MYO1E: variants seen among roughly 807,000 people sequenced by gnomAD.
MYO1E encodes the protein myosin IE.
Under a neutral mutation model 151.1 loss-of-function variants are expected in MYO1E, and 68 were observed. The observed-to-expected ratio is 0.45, with a 90% CI of 0.37 to 0.55. The LOEUF is 0.55. Among genes scored for constraint, MYO1E ranks in the 20% least tolerant of loss-of-function variants. The probability of loss-of-function intolerance (pLI) is 0.00; values close to 1 mark genes in which losing one functional copy is unlikely to be tolerated. For missense variants in MYO1E, 1,363 were observed against 1,389.3 expected (o/e 0.98, Z 0.30); for synonymous variants, 601 against 501.7 (o/e 1.20, Z -2.64).
chr15:59,346,394 G>A (rs1452948232), intron 1 of MYO1E, among the ~76,000 whole-genome samples: 1 of 152,140 alleles, frequency 6.6e-6, no homozygotes, highest in East Asian at 1.9e-4. Context: ...CACTTGAGGA[G>A]AACCTGTTTT....
chr15:59,225,805 G>C (rs914758497), intron 7 of MYO1E, among the ~76,000 whole-genome samples: 3 of 151,674 alleles, frequency 2.0e-5, no homozygotes, highest in Non-Finnish European at 2.9e-5. Flanking sequence ...CACCACCACG[G>C]CCAGCTAATT....
At chr15:59,320,455 T>C (rs67017396) in intron 1 of MYO1E, among the ~76,000 whole-genome samples, 22,623 of 152,070 alleles carry the variant, frequency 0.15, 1,970 homozygotes, top group East Asian at 0.25. Flanking sequence ...AACAGCATGG[T>C]ACTAGTACAA....
rs1230485910 is a variant in MYO1E at position 59,132,878 on chromosome 15, G to A, written c.*4502C>T. 1.3e-5 allele frequency: 2 copies of A among 152,212 alleles called. No individual in the cohort carries two copies. The highest frequency in any genetic ancestry group is 2.9e-5 in the Non-Finnish European group (2 of 68,042). 9.4% of individuals were successfully genotyped at this position (152,212 alleles called of 1,614,324 possible). ...AAGGTTAATGGTCTTGGAAAGAGAT[G>A]AATCAGAGGATTCAGATTTGTTAGA... On this transcript the variant is annotated 3_prime_UTR_variant, in exon 28 of 28. Transcript: ENST00000288235.
chr15:59,143,977 C>G (rs1339251591), intron 26 of MYO1E, among the ~76,000 whole-genome samples: 1 of 152,142 alleles, frequency 6.6e-6, no homozygotes, highest in Non-Finnish European at 1.5e-5. Context: ...ATGACAGTGA[C>G]TTGTGTGGCT....
intron 1 of MYO1E, among the ~76,000 whole-genome samples, chr15:59,326,465 G>A (rs1350132157): frequency 6.6e-6 from 1 of 152,210 alleles, no homozygotes; most frequent in East Asian, 1.9e-4. Context: ...GGAGGCTGCA[G>A]TGAGCCGAGA....
chr15:59,304,489 A>AT (rs771716891), intron 1 of MYO1E, among the ~76,000 whole-genome samples: 28 of 152,200 alleles, frequency 1.8e-4, no homozygotes, highest in Non-Finnish European at 4.0e-4. Context: ...GCCCAGTGAA[A>AT]TTTTTATAGG....
chr15:59,365,106 G>C (rs1381756627), intron 1 of MYO1E, among the ~76,000 whole-genome samples: 4 of 146,010 alleles, frequency 2.7e-5, no homozygotes, highest in Admixed American at 2.7e-4. Flanking sequence ...TGCAACCTCG[G>C]CCTCCCAGGT....
chr15:59,298,000 A>C (rs2080460858), intron 1 of MYO1E, among the ~76,000 whole-genome samples: 1 of 152,216 alleles, frequency 6.6e-6, no homozygotes, highest in African/African-American at 2.4e-5. Context: ...CTAGAATTCT[A>C]GGCAAATAAT....
At chr15:59,316,702 C>T (rs1290514295) in intron 1 of MYO1E, among the ~76,000 whole-genome samples, 2 of 152,176 alleles carry the variant, frequency 1.3e-5, no homozygotes, top group Admixed American at 6.5e-5. Flanking sequence ...GATTAGACAT[C>T]AATCCTCTTG....
intron 1 of MYO1E, among the ~76,000 whole-genome samples, chr15:59,371,615 G>C (rs1056163287): frequency 1.3e-5 from 2 of 151,996 alleles, no homozygotes; most frequent in African/African-American, 4.8e-5. Context: ...TCAAAGAGGC[G>C]GCCCCTTCCA....
chr15:59,220,850 G>A (rs1246018963), intron 9 of MYO1E, among the ~76,000 whole-genome samples: 6 of 112,562 alleles, frequency 5.3e-5, no homozygotes, highest in Non-Finnish European at 1.4e-4. Flanking sequence ...AGCACTTCCG[G>A]AGGCCAAGGC....
At chr15:59,226,583 G>A (rs550402404) in intron 7 of MYO1E, among the ~76,000 whole-genome samples, 14 of 152,148 alleles carry the variant, frequency 9.2e-5, no homozygotes, top group Non-Finnish European at 1.5e-4. Flanking sequence ...GAGGTGGGTG[G>A]GTCACTTGAG....
intron 1 of MYO1E, among the ~76,000 whole-genome samples, chr15:59,275,115 C>T (rs911757335): frequency 8.5e-5 from 13 of 152,144 alleles, no homozygotes; most frequent in African/African-American, 3.1e-4. Context: ...AAGATGTGAA[C>T]CGAAGATTCG....
rs531999794 is a variant in MYO1E, at chr15:59,241,925, A to G, written c.333-5253T>C. 1.3e-4 allele frequency among the ~76,000 whole-genome samples: 19 copies of G among 151,708 alleles called. No individual in the cohort carries two copies. In the South Asian group the frequency reaches 3.5e-3, roughly 28 times the overall value. Reference sequence around the variant, plus strand: ...CAAAGTGAGATCCTGTCTCTAAAAAATAAAATAAAATAAAATAAAATAAAC... The same window carrying G: ...CAAAGTGAGATCCTGTCTCTAAAAAGTAAAATAAAATAAAATAAAATAAAC... On this transcript the variant is annotated intron_variant, in intron 4 of 27. Transcript: ENST00000288235.
intron 1 of MYO1E, among the ~76,000 whole-genome samples, chr15:59,308,520 A>T (rs1317908095): frequency 2.0e-5 from 3 of 151,884 alleles, no homozygotes; most frequent in Non-Finnish European, 4.4e-5. Context: ...AAAAATACAA[A>T]AATTAGCCAG....
intron 1 of MYO1E, chr15:59,348,566 G>C (rs1477357740): frequency 6.6e-6 from 1 of 152,006 alleles, no homozygotes; most frequent in Non-Finnish European, 1.5e-5. Flanking sequence ...CACTACGGGT[G>C]AATTTTAGCT....
At chr15:59,308,240 AAAAAAAAAAAAT>A (rs2080527465) in intron 1 of MYO1E, among the ~76,000 whole-genome samples, 1 of 142,436 alleles carries the variant, frequency 7.0e-6, no homozygotes, top group African/African-American at 2.5e-5. Context: ...AAAAAAAAAA[AAAAAAAAAAAAT>A]AGGCTGGGCA....
intron 10 of MYO1E, 127 bp downstream of exon 10, chr15:59,217,764 G>A: frequency 3.7e-6 from 4 of 1,079,564 alleles, no homozygotes; most frequent in East Asian, 4.8e-5. Flanking sequence ...CTGGGCTGCA[G>A]TGATCCTCCC....
chr15:59,316,034 T>C (rs1258256099), intron 1 of MYO1E, among the ~76,000 whole-genome samples: 2 of 152,240 alleles, frequency 1.3e-5, no homozygotes, highest in Non-Finnish European at 2.9e-5. Flanking sequence ...GTTTGGCTCG[T>C]GGTGATTCTG....
Sources: gnomAD v4.1 joint callset for allele counts (sites outside exome capture counted in the v4.1 genomes callset) on GRCh38, gnomAD v4.1.1 for gene constraint, MANE v1.5 for transcripts, NCBI Gene and HGNC (gene_info 2026-07-23, HGNC 2026-07-21) for gene names.